Variants in NREP observed in about 807,000 individuals in gnomAD.
NREP encodes the protein neuronal regeneration-related protein.
A neutral mutation model predicts 8.6 loss-of-function variants in NREP; 5 were observed. The ratio of observed to expected loss-of-function variants is 0.58; its 90% confidence interval spans 0.30 to 1.22. NREP has a LOEUF of 1.22. NREP is among the 50% of genes most tolerant of loss of function. NREP has a pLI of 0.07. For synonymous variants in NREP, 27 were observed against 28.0 expected (o/e 0.96, Z 0.11); for missense variants, 86 against 82.5 (o/e 1.04, Z -0.17).
At chr5:111,756,084 A>C in intron 1 of NREP, 8 of 1,163,714 alleles carry the variant, frequency 6.9e-6, no homozygotes, top group Non-Finnish European at 8.5e-6. Context: ...TTCATCTTTA[A>C]ATTGCATGAG....
chr5:111,731,942 A>G (rs1748626472), intron 3 of NREP: 1 of 152,332 alleles, frequency 6.6e-6, no homozygotes, highest in Non-Finnish European at 1.5e-5. Flanking sequence ...ACAGGTATTC[A>G]TTTACAACAG....
chr5:111,827,209 G>T (rs1329999661), intron 2 of NREP, among the ~76,000 whole-genome samples: 1 of 152,164 alleles, frequency 6.6e-6, no homozygotes, highest in Non-Finnish European at 1.5e-5. Context: ...CTAAATGTAT[G>T]TTTGATAAAA....
chr5:111,826,268 AT>A lies in NREP; in HGVS notation c.136-90762del, dbSNP rs199546572. On this transcript the variant is annotated intron_variant, in intron 2 of 3. Coordinates refer to the NREP transcript ENST00000395634. ...TAAAATGGACCAATCAGCTCTCTGT[AT>A]AATGGACCAATCAGCAGGATGTGGG... Among the ~76,000 whole-genome samples the A allele has an allele frequency of 1.5e-4, 23 of 152,338 alleles. No individual in the cohort carries two copies. The East Asian group carries it at 4.4e-3, about 29-fold the overall frequency.
At chr5:111,973,033 GA>G (rs1245813684) in intron 2 of NREP, among the ~76,000 whole-genome samples, 1 of 152,208 alleles carries the variant, frequency 6.6e-6, no homozygotes, top group Non-Finnish European at 1.5e-5. Flanking sequence ...GTGCACCCAT[GA>G]AACTGGCCCT....
chr5:111,811,198 T>C (rs1185448695), intron 2 of NREP, among the ~76,000 whole-genome samples: 2 of 152,202 alleles, frequency 1.3e-5, no homozygotes, highest in Admixed American at 6.5e-5. Context: ...TTACTCTCTT[T>C]GTTCCTCTGT....
chr5:111,858,959 T>C (rs1296971058), intron 2 of NREP, among the ~76,000 whole-genome samples: 2 of 151,974 alleles, frequency 1.3e-5, no homozygotes, highest in African/African-American at 4.8e-5. Flanking sequence ...AGGTAATATA[T>C]GAATAACCAG....
chr5:111,855,444 C>G (rs770067784), intron 2 of NREP, among the ~76,000 whole-genome samples: 26 of 152,148 alleles, frequency 1.7e-4, no homozygotes, highest in Non-Finnish European at 2.5e-4. Flanking sequence ...AGCTTTTTAA[C>G]CAAATAGGTC....
intron 2 of NREP, among the ~76,000 whole-genome samples, chr5:111,802,920 A>G (rs1272039975): frequency 6.6e-6 from 1 of 152,202 alleles, no homozygotes; most frequent in African/African-American, 2.4e-5. Flanking sequence ...AAGCTGAAAG[A>G]GCAGAAGCAA....
At chr5:111,832,924 A>G (rs982886189) in intron 2 of NREP, among the ~76,000 whole-genome samples, 13 of 152,152 alleles carry the variant, frequency 8.5e-5, no homozygotes, top group African/African-American at 3.1e-4. Context: ...CACTCTAAAT[A>G]AGAGTAGAGC....
intron 2 of NREP, among the ~76,000 whole-genome samples, chr5:111,742,752 G>A (rs1749762054): frequency 6.6e-6 from 1 of 152,072 alleles, no homozygotes; most frequent in Admixed American, 6.6e-5. Context: ...ACGGAGGTCA[G>A]CTGCAAACAT....
At chr5:111,874,405 T>C (rs1753857918) in intron 2 of NREP, among the ~76,000 whole-genome samples, 2 of 152,306 alleles carry the variant, frequency 1.3e-5, no homozygotes, top group South Asian at 4.2e-4. Context: ...CAAATGACTT[T>C]TTCTCTCTCC....
intron 2 of NREP, among the ~76,000 whole-genome samples, chr5:111,843,643 G>A (rs1753087025): frequency 6.6e-6 from 1 of 152,096 alleles, no homozygotes; most frequent in African/African-American, 2.4e-5. Context: ...GAGGATTTGT[G>A]TTGATGTTTG....
chr5:111,766,309 TA>T (rs1751082450), intron 2 of NREP, among the ~76,000 whole-genome samples: 1 of 152,196 alleles, frequency 6.6e-6, no homozygotes, highest in African/African-American at 2.4e-5. Flanking sequence ...CTGTTCATAT[TA>T]AAAGTTGATA....
intron 2 of NREP, among the ~76,000 whole-genome samples, chr5:111,828,243 T>C (rs962394074): frequency 6.6e-6 from 1 of 152,130 alleles, no homozygotes; most frequent in Admixed American, 6.5e-5. Flanking sequence ...TTGGTCAGGC[T>C]AGTTGCGAAC....
At chr5:111,771,928 T>C (rs1751240112) in intron 2 of NREP, among the ~76,000 whole-genome samples, 1 of 152,142 alleles carries the variant, frequency 6.6e-6, no homozygotes, top group African/African-American at 2.4e-5. Flanking sequence ...GCAAAAAAAC[T>C]GTGATTATAG....
At chr5:111,938,935 C>T (rs941869944) in intron 2 of NREP, among the ~76,000 whole-genome samples, 4 of 152,062 alleles carry the variant, frequency 2.6e-5, no homozygotes, top group Non-Finnish European at 5.9e-5. Context: ...GAATGTAACC[C>T]TGCCATTATG....
At position 111,771,426 on chromosome 5, in the gene NREP, TACACACACACACAC is replaced by T. The variant is rs111799670; in HGVS notation, c.136-35933_136-35920del. ...CCTGGTGAGAGGCTTCATAGTCTTT[TACACACACACACAC>T]ACACACACACACACACACACACACA... On this transcript the variant is annotated intron_variant, in intron 2 of 3. Coordinates refer to the NREP transcript ENST00000395634. Among the ~76,000 whole-genome samples the T allele has an allele frequency of 1.5e-3, 223 of 147,296 alleles. 1 individual carries two copies. Among genetic ancestry groups the T allele is most frequent in the African/African-American group, 2.5e-3 (99 of 40,244 alleles).
rs1198298114 is a variant in NREP at position 111,845,865 on chromosome 5, AAAAAG to A, written c.136-110363_136-110359del. ...TTAGGAAGTAATTCTACCAAAAAAA[AAAAAG>A]AAAAGAAAAGAAACCTCATAGGAAT... On this transcript the variant is annotated intron_variant, in intron 2 of 3. Coordinates refer to the NREP transcript ENST00000395634. Among the ~76,000 whole-genome samples the A allele has an allele frequency of 4.3e-4, 65 of 151,956 alleles. 1 individual carries two copies. The Middle Eastern group carries it at 0.01, about 24-fold the overall frequency.
intron 2 of NREP, among the ~76,000 whole-genome samples, chr5:111,896,463 A>G (rs1754513585): frequency 6.6e-6 from 1 of 152,180 alleles, no homozygotes; most frequent in South Asian, 2.1e-4. Flanking sequence ...TTGAGTCTAA[A>G]GGACTGTGGA....
Sources: allele counts gnomAD v4.1 joint callset (sites outside exome capture counted in the v4.1 genomes callset), GRCh38; gene constraint gnomAD v4.1.1; transcripts MANE v1.5; gene names NCBI Gene and HGNC (gene_info 2026-07-23, HGNC 2026-07-21).